The following OSBPL9 variants were observed in gnomAD, a reference collection of about 807,000 sequenced individuals.
The protein encoded by OSBPL9 is oxysterol-binding protein-related protein 9.
In OSBPL9, 40 loss-of-function variants were observed where a neutral mutation model predicts 106.6. That is an observed-to-expected ratio of 0.38 (90% CI 0.29 to 0.49). OSBPL9 has a LOEUF of 0.49. Among genes scored for constraint, OSBPL9 ranks in the 20% least tolerant of loss-of-function variants. The pLI, the probability that OSBPL9 is intolerant of heterozygous loss-of-function variation, is 0.97. For synonymous variants in OSBPL9, 269 were observed against 295.4 expected, an observed-to-expected ratio of 0.91 and a Z score of 0.92; for missense variants, 609 against 887.2, an observed-to-expected ratio of 0.69 and a Z score of 3.98.
chr1:51,659,871 GGA>G (rs1453735057), intron 2 of OSBPL9, among the ~76,000 whole-genome samples: 1 of 152,060 alleles, frequency 6.6e-6, no homozygotes, highest in African/African-American at 2.4e-5. Flanking sequence ...TTGGGAAAGG[GGA>G]GAGATATTTT....
intron 3 of OSBPL9, among the ~76,000 whole-genome samples, chr1:51,681,734 C>G (rs1184915074): frequency 6.6e-6 from 1 of 152,022 alleles, no homozygotes; most frequent in Non-Finnish European, 1.5e-5. Context: ...CTCCCCACCC[C>G]CAGTACCAAA....
At chr1:51,782,860 A>C (rs887831777) in intron 17 of OSBPL9, among the ~76,000 whole-genome samples, 1 of 152,218 alleles carries the variant, frequency 6.6e-6, no homozygotes, top group Non-Finnish European at 1.5e-5. Flanking sequence ...TATAAAAAGA[A>C]GGGATTTAGG....
At chr1:51,577,421 G>A (rs572978198) in intron 1 of OSBPL9, among the ~76,000 whole-genome samples, 1 of 149,962 alleles carries the variant, frequency 6.7e-6, no homozygotes, top group African/African-American at 2.5e-5. Flanking sequence ...TGGTTCAAGC[G>A]TGCCACCACG....
intron 11 of OSBPL9, among the ~76,000 whole-genome samples, chr1:51,763,244 G>T (rs909219957): frequency 6.6e-6 from 1 of 152,114 alleles, no homozygotes; most frequent in African/African-American, 2.4e-5. Context: ...GACCTCAGGT[G>T]ATCTGTCCAC....
upstream of OSBPL9, among the ~76,000 whole-genome samples, chr1:51,575,749 A>G (rs1462840926): frequency 6.6e-6 from 1 of 152,180 alleles, no homozygotes; most frequent in Non-Finnish European, 1.5e-5. Flanking sequence ...CACTTATAAA[A>G]CAGCAAGTGC....
chr1:51,667,191 G>A (rs1648727845), intron 2 of OSBPL9, among the ~76,000 whole-genome samples: 3 of 152,152 alleles, frequency 2.0e-5, no homozygotes, highest in African/African-American at 7.2e-5. Flanking sequence ...AGAGTGGAGT[G>A]AGTTGCAATA....
At chr1:51,699,449 A>G (rs1016936858) in intron 3 of OSBPL9, among the ~76,000 whole-genome samples, 1 of 151,996 alleles carries the variant, frequency 6.6e-6, no homozygotes, top group African/African-American at 2.4e-5. Context: ...ACTCAGCTTT[A>G]ATTTCCTTGC....
At chr1:51,724,855 G>C (rs1662826624) in intron 4 of OSBPL9, 1 of 264,206 alleles carries the variant, frequency 3.8e-6, no homozygotes, top group Non-Finnish European at 7.4e-6. Context: ...TTACCCTTCT[G>C]TGTTAGCCCC....
At chr1:51,596,639 G>A (rs1472271636) in intron 1 of OSBPL9, among the ~76,000 whole-genome samples, 1 of 151,808 alleles carries the variant, frequency 6.6e-6, no homozygotes, top group Non-Finnish European at 1.5e-5. Context: ...AATTAGCCAG[G>A]CATGGTGGCA....
chr1:51,722,102 C>G (rs998614727), intron 4 of OSBPL9, among the ~76,000 whole-genome samples: 1 of 152,056 alleles, frequency 6.6e-6, no homozygotes, highest in Non-Finnish European at 1.5e-5. Flanking sequence ...GGCAGGATTG[C>G]TTGAGGCCAG....
At chr1:51,536,270 A>G in the OSBPL9 span, among the ~76,000 whole-genome samples, 1 of 152,082 alleles carries the variant, frequency 6.6e-6, no homozygotes, top group Admixed American at 6.6e-5. Context: ...AATGCATTAT[A>G]CTTAACTGTC....
intron 1 of OSBPL9, among the ~76,000 whole-genome samples, chr1:51,627,276 T>C (rs1374188137): frequency 1.3e-5 from 2 of 152,106 alleles, no homozygotes; most frequent in Admixed American, 6.5e-5. Flanking sequence ...ACTGGGATTA[T>C]ATGTGTGAGC....
intron 1 of OSBPL9, among the ~76,000 whole-genome samples, chr1:51,643,901 G>A (rs1328284502): frequency 2.0e-5 from 3 of 151,552 alleles, no homozygotes; most frequent in African/African-American, 2.4e-5. Context: ...GCAACAAGGC[G>A]AAACCCCTTC....
the OSBPL9 span, among the ~76,000 whole-genome samples, chr1:51,527,339 A>G: frequency 6.8e-6 from 1 of 147,520 alleles, no homozygotes; most frequent in African/African-American, 2.6e-5. Context: ...GGTGATGATG[A>G]TGATGATGAT....
rs1165163534 is a variant in OSBPL9 at position 51,729,855 on chromosome 1, TCA to T, written c.319-15680_319-15679del. 5 of 1,246,244 alleles carry T rather than the reference TCA, an allele frequency of 4.0e-6. No homozygotes were observed. The African/African-American group carries it at 7.9e-5, about 20-fold the overall frequency. The allele number at this position is 1,246,244 out of a possible 1,614,324, so 77.2% of individuals were successfully genotyped here. A position where few individuals can be genotyped will look rare whatever the true frequency, so the allele number is the denominator to read the frequency against. ...GGTGTCCCGGGGGACGGGCTGAACC[TCA>T]GTCAGGACCGCCTGCACCGCAGTCC... On this transcript the variant is annotated intron_variant, in intron 4 of 23. Transcript: ENST00000428468. This position sits in a 1 kb window ranked among gnomAD's most constrained non-coding sequence, Gnocchi z 5.1.
the OSBPL9 span, among the ~76,000 whole-genome samples, chr1:51,553,586 T>C: frequency 2.6e-5 from 4 of 151,704 alleles, no homozygotes; most frequent in East Asian, 1.9e-4. Flanking sequence ...TCTAGATCAA[T>C]GCACTACAGC....
At chr1:51,590,736 G>T (rs1406679955) in intron 1 of OSBPL9, among the ~76,000 whole-genome samples, 5 of 151,330 alleles carry the variant, frequency 3.3e-5, no homozygotes, top group African/African-American at 7.3e-5. Flanking sequence ...GGAAATAAAA[G>T]AATCAAAGAT....
chr1:51,721,323 A>G (rs578173575), intron 4 of OSBPL9, among the ~76,000 whole-genome samples: 7 of 152,124 alleles, frequency 4.6e-5, no homozygotes, highest in Non-Finnish European at 1.0e-4. Flanking sequence ...TCATTATATG[A>G]AAAGGAGATG....
intron 12 of OSBPL9, among the ~76,000 whole-genome samples, chr1:51,768,242 T>G (rs1673066916): frequency 7.5e-6 from 1 of 133,294 alleles, no homozygotes; most frequent in Non-Finnish European, 1.6e-5. Flanking sequence ...CGCCCAGCCT[T>G]TTTTGAGACG....
Sources: allele counts gnomAD v4.1 joint callset (sites outside exome capture counted in the v4.1 genomes callset), GRCh38; gene constraint gnomAD v4.1.1; non-coding constraint Gnocchi (gnomAD v3.1); transcripts MANE v1.5; gene names NCBI Gene and HGNC (gene_info 2026-07-23, HGNC 2026-07-21).